Variants in ATP2B2 observed in about 807,000 individuals in gnomAD.
The protein encoded by ATP2B2 is ATPase plasma membrane Ca2+ transporting 2.
In ATP2B2, 15 loss-of-function variants were observed where a neutral mutation model predicts 120.0. The ratio of observed to expected loss-of-function variants is 0.12; its 90% CI spans 0.08 to 0.19. The LOEUF (loss-of-function observed/expected upper bound fraction) is 0.19, where lower values mean the gene tolerates loss of function less well. ATP2B2 is among the 10% of genes least tolerant of loss of function. ATP2B2 has a pLI of 1.00. For synonymous variants in ATP2B2, 694 were observed against 700.3 expected, an observed-to-expected ratio of 0.99 and a Z score of 0.14; for missense variants, 1,045 against 1,719.8, an observed-to-expected ratio of 0.61 and a Z score of 6.94.
intron 1 of ATP2B2, among the ~76,000 whole-genome samples, chr3:10,469,773 G>A (rs1249926435): frequency 6.6e-6 from 1 of 152,232 alleles, no homozygotes; most frequent in Non-Finnish European, 1.5e-5. Flanking sequence ...GAGCAGGTAT[G>A]AGAGGAGGGG....
At chr3:10,599,267 A>G (rs541236456) in intron 2 of ATP2B2, among the ~76,000 whole-genome samples, 1 of 152,222 alleles carries the variant, frequency 6.6e-6, no homozygotes, top group South Asian at 2.1e-4. Context: ...CCTACCCCAC[A>G]CCCCTGGGCT....
chr3:10,371,062 C>T (rs2061226635), intron 12 of ATP2B2, among the ~76,000 whole-genome samples: 1 of 152,238 alleles, frequency 6.6e-6, no homozygotes, highest in Admixed American at 6.5e-5. Context: ...AATTATTCTC[C>T]TTTCTGAATC....
intron 2 of ATP2B2, among the ~76,000 whole-genome samples, chr3:10,571,148 C>A (rs766117459): frequency 1.3e-5 from 2 of 152,200 alleles, no homozygotes; most frequent in Non-Finnish European, 2.9e-5. Flanking sequence ...GAAGTTTCTT[C>A]ATGCTGTGGT....
chr3:10,682,018 A>G (rs2071395489), intron 1 of ATP2B2, among the ~76,000 whole-genome samples: 1 of 152,214 alleles, frequency 6.6e-6, no homozygotes, highest in Admixed American at 6.5e-5. Context: ...TGCCCTAAGG[A>G]GGAGGCATTA....
At chr3:10,487,529 C>A (rs1309259718) in intron 1 of ATP2B2, among the ~76,000 whole-genome samples, 1 of 152,224 alleles carries the variant, frequency 6.6e-6, no homozygotes, top group Non-Finnish European at 1.5e-5. Context: ...CCACAAAGGC[C>A]TGTGAGTCTT....
At chr3:10,386,622 C>T in intron 6 of ATP2B2, 110 bp from the exon 7 acceptor site, 1 of 1,181,178 alleles carries the variant, frequency 8.5e-7, no homozygotes, top group Non-Finnish European at 1.3e-6. Context: ...CATGGCCATA[C>T]ACCTAGGGTC....
chr3:10,350,361 G>C (rs953186699), intron 15 of ATP2B2, 37 bp downstream of exon 15: 14 of 1,613,730 alleles, frequency 8.7e-6, no homozygotes, highest in Non-Finnish European at 9.3e-6. Context: ...CCATCTGAGC[G>C]CGTTCCCCTG....
chr3:10,378,786 T>C (rs987669383), intron 9 of ATP2B2, among the ~76,000 whole-genome samples: 2 of 152,288 alleles, frequency 1.3e-5, no homozygotes, highest in East Asian at 1.9e-4. Flanking sequence ...CCTTGGGACC[T>C]GTTGTGGGAT....
intron 1 of ATP2B2, among the ~76,000 whole-genome samples, chr3:10,649,068 A>T (rs2070388442): frequency 6.6e-6 from 1 of 152,224 alleles, no homozygotes; most frequent in Non-Finnish European, 1.5e-5. Context: ...ACATGTGGCC[A>T]TTTAAATTTT....
intron 5 of ATP2B2, among the ~76,000 whole-genome samples, chr3:10,391,489 C>A (rs73016609): frequency 0.053 from 8,138 of 152,266 alleles, 264 homozygotes; most frequent in South Asian, 0.082. Context: ...TTTCCACCCA[C>A]GATAATCAGA....
chr3:10,609,840 G>A (rs1372977596), intron 2 of ATP2B2, among the ~76,000 whole-genome samples: 1 of 152,102 alleles, frequency 6.6e-6, no homozygotes, highest in Non-Finnish European at 1.5e-5. Context: ...AATTCACGGG[G>A]GAGTGGGCTG....
chr3:10,505,130 G>C (rs1307373549), intron 1 of ATP2B2, among the ~76,000 whole-genome samples: 1 of 152,080 alleles, frequency 6.6e-6, no homozygotes, highest in African/African-American at 2.4e-5. Context: ...GGGGGCATTT[G>C]CAGTCCAGAG....
intron 18 of ATP2B2, among the ~76,000 whole-genome samples, chr3:10,344,883 G>T (rs991682114): frequency 6.6e-6 from 1 of 152,162 alleles, no homozygotes; most frequent in African/African-American, 2.4e-5. Context: ...CCTTCCCAGT[G>T]AGCAAGATCC....
chr3:10,463,965 C>T (rs1009826), intron 1 of ATP2B2, among the ~76,000 whole-genome samples: 42,754 of 152,096 alleles, frequency 0.28, 6,391 homozygotes, highest in African/African-American at 0.37. Flanking sequence ...CCTCTGCGTC[C>T]GCTCTCCTGG....
intron 2 of ATP2B2, among the ~76,000 whole-genome samples, chr3:10,413,281 A>G (rs1484639431): frequency 6.6e-6 from 1 of 152,192 alleles, no homozygotes; most frequent in Non-Finnish European, 1.5e-5. Flanking sequence ...GAGTCTCCTC[A>G]GATGCTGACC....
At chr3:10,704,077 T>G (rs1207036267) in intron 1 of ATP2B2, among the ~76,000 whole-genome samples, 1 of 152,220 alleles carries the variant, frequency 6.6e-6, no homozygotes, top group African/African-American at 2.4e-5. Flanking sequence ...GCCTCCTGAC[T>G]GACCCTAGGG....
intron 1 of ATP2B2, among the ~76,000 whole-genome samples, chr3:10,661,621 C>A (rs1033438894): frequency 6.6e-6 from 1 of 152,222 alleles, no homozygotes; most frequent in Non-Finnish European, 1.5e-5. Context: ...AATGGAAGAA[C>A]ATTCCATGCT....
intron 1 of ATP2B2, among the ~76,000 whole-genome samples, chr3:10,630,091 T>C (rs554374606): frequency 2.6e-5 from 4 of 152,178 alleles, no homozygotes; most frequent in Non-Finnish European, 4.4e-5. Context: ...GTCTCCCCAA[T>C]CCTCACAGAC....
At chr3:10,626,603 GGATGGGTGGA>G (rs1559493735) in intron 1 of ATP2B2, 2 of 149,120 alleles carry the variant, frequency 1.3e-5, no homozygotes, top group African/African-American at 4.9e-5. Context: ...ATGGATGGAT[GGATGGGTGGA>G]TGGATGGATG....
Sources: allele counts gnomAD v4.1 joint callset (sites outside exome capture counted in the v4.1 genomes callset), GRCh38; gene constraint gnomAD v4.1.1; transcripts MANE v1.5; gene names NCBI Gene and HGNC (gene_info 2026-07-23, HGNC 2026-07-21).